Variants in FRYL observed in about 807,000 individuals in gnomAD.
FRYL encodes FRY like transcription coactivator.
In FRYL, 150 loss-of-function variants were observed where a neutral mutation model predicts 351.2. That is an observed-to-expected ratio of 0.43 (90% CI 0.37 to 0.49). The LOEUF (loss-of-function observed/expected upper bound fraction) is 0.49. FRYL is among the 20% of genes least tolerant of loss of function. The pLI is 0.00. For synonymous variants in FRYL, 1,153 were observed against 1,257.1 expected (o/e 0.92, Z 1.75); for missense variants, 3,036 against 3,619.3 (o/e 0.84, Z 4.13).
chr4:48,539,342 G>T (rs1729610283), intron 47 of FRYL, among the ~76,000 whole-genome samples: 1 of 152,110 alleles, frequency 6.6e-6, no homozygotes, highest in African/African-American at 2.4e-5. Context: ...CAGAACCTCT[G>T]CATCTGTAAT....
chr4:48,505,871 G>A (rs987543856), intron 59 of FRYL: 1 of 369,990 alleles, frequency 2.7e-6, no homozygotes, highest in Non-Finnish European at 4.9e-6. Flanking sequence ...GACCTGTGAT[G>A]TTCCATTTCA....
intron 24 of FRYL, among the ~76,000 whole-genome samples, chr4:48,575,589 G>A (rs999962172): frequency 2.0e-5 from 3 of 152,304 alleles, no homozygotes; most frequent in African/African-American, 4.8e-5. Flanking sequence ...AGTCAGACAC[G>A]CTGGTCTTAA....
chr4:48,578,560 G>A (rs1305285056), intron 23 of FRYL, among the ~76,000 whole-genome samples: 1 of 152,142 alleles, frequency 6.6e-6, no homozygotes, highest in Non-Finnish European at 1.5e-5. Context: ...CTCCCCACCA[G>A]AAGGTGGCCT....
At chr4:48,535,872 C>A in intron 47 of FRYL, 45 bp from the exon 48 acceptor site, 1 of 1,346,116 alleles carries the variant, frequency 7.4e-7, no homozygotes, top group South Asian at 1.9e-5. Flanking sequence ...AATAAAGACA[C>A]AAGTTTAACT....
intron 3 of FRYL, among the ~76,000 whole-genome samples, chr4:48,645,716 T>C (rs535839326): frequency 7.1e-4 from 108 of 152,324 alleles, no homozygotes; most frequent in Non-Finnish European, 1.2e-3. Flanking sequence ...TTGTGAACTA[T>C]TGCCTTACCC....
chr4:48,570,015 T>G (rs1193185474), intron 27 of FRYL, among the ~76,000 whole-genome samples: 1 of 152,074 alleles, frequency 6.6e-6, no homozygotes, highest in Non-Finnish European at 1.5e-5. Context: ...GATTTTGCTA[T>G]GTTGCCTAGG....
chr4:48,760,028 T>C (rs929056012), intron 1 of FRYL, among the ~76,000 whole-genome samples: 5 of 151,700 alleles, frequency 3.3e-5, no homozygotes, highest in African/African-American at 9.7e-5. Flanking sequence ...CTAAAGGAAT[T>C]TTTTTTCCCT....
intron 4 of FRYL, among the ~76,000 whole-genome samples, chr4:48,629,021 A>G (rs1417399132): frequency 6.7e-6 from 1 of 149,106 alleles, no homozygotes; most frequent in Non-Finnish European, 1.5e-5. Flanking sequence ...TAATATTATA[A>G]TTATAAAATA....
At chr4:48,713,598 C>T (rs1401879927) in intron 1 of FRYL, among the ~76,000 whole-genome samples, 1 of 152,168 alleles carries the variant, frequency 6.6e-6, no homozygotes, top group Non-Finnish European at 1.5e-5. Context: ...GCACCCAATA[C>T]AGGAGCACCC....
At position 48,576,054 on chromosome 4, in the gene FRYL, A is replaced by C. The variant is rs140093859; in HGVS notation, c.2697T>G (p.Asp899Glu). Residue 899 changes from aspartate to glutamate, a missense_variant, in exon 24 of 64, where the codon GAT (aspartate) becomes GAG (glutamate). Asp to Glu is a conservative substitution (Grantham distance 45, BLOSUM62 2). Coordinates refer to ENST00000358350, the MANE Select transcript of FRYL (RefSeq NM_015030.2). The part of the protein sequence containing the change: ...SPPETLASTP[D>E]SGYSIDSKII... ...CTTTAGAATCAATGCTATAGCCGCT[A>C]TCTGGGGTAGACGCCAGCGTCTCAG... 6.7e-5 allele frequency: 108 copies of C among 1,612,052 alleles called. No homozygotes were observed. In the East Asian group the frequency reaches 2.3e-3, roughly 34 times the overall value.
intron 33 of FRYL, among the ~76,000 whole-genome samples, chr4:48,560,240 C>G (rs1374212934): frequency 6.6e-6 from 1 of 152,144 alleles, no homozygotes; most frequent in African/African-American, 2.4e-5. Flanking sequence ...TATGCTGATA[C>G]CTGTATCTGT....
intron 1 of FRYL, among the ~76,000 whole-genome samples, chr4:48,778,720 G>T (rs1776290998): frequency 6.6e-6 from 1 of 152,146 alleles, no homozygotes; most frequent in African/African-American, 2.4e-5. Context: ...AAAGCTGTTG[G>T]TACTAATTAT....
chr4:48,574,495 G>T (rs1410723120), intron 25 of FRYL: 1 of 152,042 alleles, frequency 6.6e-6, no homozygotes, highest in African/African-American at 2.4e-5. Context: ...AAAGGCAAAA[G>T]ATTTATACAA....
At chr4:48,565,421 A>G in intron 29 of FRYL, 110 bp downstream of exon 29, 1 of 768,630 alleles carries the variant, frequency 1.3e-6, no homozygotes, top group East Asian at 3.1e-5. Flanking sequence ...AATATGGCAG[A>G]AAAACATTTT....
chr4:48,527,928 C>A, intron 52 of FRYL, 43 bp downstream of exon 52: 1 of 1,377,548 alleles, frequency 7.3e-7, no homozygotes, highest in South Asian at 1.4e-5. Flanking sequence ...CAAGGAATAA[C>A]ATGATCTTTA....
At chr4:48,543,698 T>C in intron 44 of FRYL, 109 bp downstream of exon 44, 1 of 905,556 alleles carries the variant, frequency 1.1e-6, no homozygotes, top group Non-Finnish European at 1.6e-6. Context: ...CATCTGACTA[T>C]AATTCTAGAT....
At chr4:48,528,587 T>C (rs1726808091) in intron 50 of FRYL, among the ~76,000 whole-genome samples, 1 of 152,184 alleles carries the variant, frequency 6.6e-6, no homozygotes, top group African/African-American at 2.4e-5. Context: ...ACTTTAAATG[T>C]AATCTGCATT....
chr4:48,639,196 G>A (rs1754854172), intron 3 of FRYL, among the ~76,000 whole-genome samples: 1 of 152,014 alleles, frequency 6.6e-6, no homozygotes, highest in Non-Finnish European at 1.5e-5. Flanking sequence ...GTATCAACAA[G>A]CATATTCTGA....
intron 2 of FRYL, among the ~76,000 whole-genome samples, chr4:48,701,357 G>T (rs1766696185): frequency 6.6e-6 from 1 of 152,126 alleles, no homozygotes; most frequent in Non-Finnish European, 1.5e-5. Flanking sequence ...TCAGAGAAAT[G>T]ATTTCATATG....
Sources: allele counts gnomAD v4.1 joint callset (sites outside exome capture counted in the v4.1 genomes callset), GRCh38; gene constraint gnomAD v4.1.1; transcripts MANE v1.5; gene names NCBI Gene and HGNC (gene_info 2026-07-23, HGNC 2026-07-21).